TNFRSF11A: variants seen among roughly 807,000 people sequenced by gnomAD.
TNFRSF11A encodes TNF receptor superfamily member 11a, also known as tumor necrosis factor receptor superfamily member 11A.
A neutral mutation model predicts 55.7 loss-of-function variants in TNFRSF11A; 32 were observed. The observed-to-expected ratio is 0.57, with a 90% CI of 0.43 to 0.77. The LOEUF is 0.77. TNFRSF11A is among the 30% of genes least tolerant of loss of function. The pLI, the probability that TNFRSF11A is intolerant of heterozygous loss-of-function variation, is 0.00. For missense variants in TNFRSF11A, 753 were observed against 809.8 expected, an observed-to-expected ratio of 0.93 and a Z score of 0.85; for synonymous variants, 311 against 331.0, an observed-to-expected ratio of 0.94 and a Z score of 0.65.
Position 62,387,298 on chromosome 18 carries a change from G to T in TNFRSF11A, c.*2264G>T, listed in dbSNP as rs185721979. The T allele has an allele frequency of 7.2e-5, 11 of 152,032 alleles. No homozygotes were observed. The highest frequency in any genetic ancestry group is 3.3e-4 in the Admixed American group (5 of 15,288). The allele number at this position is 152,032 out of a possible 1,614,324, so 9.4% of individuals were successfully genotyped here. On this transcript the variant is annotated 3_prime_UTR_variant, in exon 10 of 10. Transcript: ENST00000586569. Reference sequence around the variant, plus strand: ...AAAAATGTATAGAAAATATAAGTCTGTGTCTGTGTACTGTAGAGATGTATG... The same window carrying T: ...AAAAATGTATAGAAAATATAAGTCTTTGTCTGTGTACTGTAGAGATGTATG...
chr18:62,346,873 T>TTG (rs1600372053), intron 1 of TNFRSF11A, among the ~76,000 whole-genome samples: 2 of 152,202 alleles, frequency 1.3e-5, no homozygotes, highest in African/African-American at 4.8e-5. Context: ...CTGACTGCCT[T>TTG]TGTGACACTG....
intron 1 of TNFRSF11A, among the ~76,000 whole-genome samples, chr18:62,347,171 AG>A (rs1221916117): frequency 6.6e-6 from 1 of 152,108 alleles, no homozygotes; most frequent in East Asian, 1.9e-4. Flanking sequence ...CTTGAGGGGA[AG>A]GTTTGTGACT....
chr18:62,335,431 G>T, intron 1 of TNFRSF11A, among the ~76,000 whole-genome samples: 1 of 152,086 alleles, frequency 6.6e-6, no homozygotes, highest in East Asian at 1.9e-4. Flanking sequence ...ATGTAAAATT[G>T]CAAAAGACCA....
intron 9 of TNFRSF11A, among the ~76,000 whole-genome samples, chr18:62,376,661 C>G (rs1219235415): frequency 6.6e-6 from 1 of 152,104 alleles, no homozygotes; most frequent in Non-Finnish European, 1.5e-5. Context: ...ACCAATGTAT[C>G]CTGGCATGCA....
chr18:62,352,776 C>T (rs1029005687), intron 3 of TNFRSF11A, among the ~76,000 whole-genome samples: 4 of 152,042 alleles, frequency 2.6e-5, no homozygotes, highest in Non-Finnish European at 4.4e-5. Context: ...GAAGAGTGGG[C>T]ACTGCAGGAA....
intron 4 of TNFRSF11A, among the ~76,000 whole-genome samples, chr18:62,354,958 AC>A (rs1474144791): frequency 6.6e-6 from 1 of 152,222 alleles, no homozygotes; most frequent in Non-Finnish European, 1.5e-5. Context: ...AAGTTTTGTT[AC>A]AAGTTTGAAG....
At position 62,325,390 on chromosome 18, in the gene TNFRSF11A, C is replaced by CGCT. The variant is rs1232105040; in HGVS notation, c.48_50dup (p.Leu17dup). On this transcript the variant is annotated inframe_insertion, in exon 1 of 10. Transcript: ENST00000586569. This position sits in a 1 kb window ranked among gnomAD's most constrained non-coding sequence, Gnocchi z 4.7. Reference sequence around the variant, plus strand: ...GCCCGGCGGCGCCGCCCGCTGTTCGCGCTGCTGCTGCTCTGCGCGCTGCTC... The same window carrying CGCT: ...GCCCGGCGGCGCCGCCCGCTGTTCGCGCTGCTGCTGCTGCTCTGCGCGCTGCTC... 2 of 1,129,274 alleles carry CGCT rather than the reference C, an allele frequency of 1.8e-6. No individual in the cohort carries two copies. The highest frequency in any genetic ancestry group is 1.7e-5 in the African/African-American group (1 of 59,820). 70.0% of individuals were successfully genotyped at this position (1,129,274 alleles called of 1,614,324 possible). A position where few individuals can be genotyped will look rare whatever the true frequency, so the allele number is the denominator to read the frequency against.
At chr18:62,344,087 C>A in intron 1 of TNFRSF11A, among the ~76,000 whole-genome samples, 1 of 152,192 alleles carries the variant, frequency 6.6e-6, no homozygotes, top group East Asian at 1.9e-4. Context: ...GATTAGATCA[C>A]AAGTTCATTC....
At chr18:62,339,235 T>C (rs546870255) in intron 1 of TNFRSF11A, among the ~76,000 whole-genome samples, 1 of 152,218 alleles carries the variant, frequency 6.6e-6, no homozygotes, top group African/African-American at 2.4e-5. Flanking sequence ...TGTCAGAACA[T>C]ACCTGCCCAG....
intron 1 of TNFRSF11A, among the ~76,000 whole-genome samples, chr18:62,345,892 C>T (rs1206757672): frequency 6.6e-6 from 1 of 152,082 alleles, no homozygotes; most frequent in African/African-American, 2.4e-5. Flanking sequence ...CTTGTTTCTT[C>T]GAAGAGGTGT....
intron 1 of TNFRSF11A, among the ~76,000 whole-genome samples, chr18:62,346,343 C>A (rs1047272022): frequency 1.3e-5 from 2 of 152,220 alleles, no homozygotes; most frequent in African/African-American, 4.8e-5. Flanking sequence ...TTGCCTCTTT[C>A]TTCTGTGCAT....
At chr18:62,359,871 C>A in intron 5 of TNFRSF11A, 84 bp from the exon 6 acceptor site, 1 of 1,251,610 alleles carries the variant, frequency 8.0e-7, no homozygotes, top group Non-Finnish European at 1.2e-6. Flanking sequence ...AAGGAGCTGG[C>A]AATCTGGGAG....
At chr18:62,376,741 C>G (rs1385006316) in intron 9 of TNFRSF11A, among the ~76,000 whole-genome samples, 1 of 152,196 alleles carries the variant, frequency 6.6e-6, no homozygotes, top group African/African-American at 2.4e-5. Context: ...CTCACCCCTT[C>G]CTCTCTCTGA....
At chr18:62,363,766 T>C (rs1909875370) in intron 7 of TNFRSF11A, among the ~76,000 whole-genome samples, 1 of 152,234 alleles carries the variant, frequency 6.6e-6, no homozygotes, top group Non-Finnish European at 1.5e-5. Context: ...ATTTGGATAA[T>C]GCATGTTCAG....
chr18:62,369,284 A>T lies in TNFRSF11A; in HGVS notation c.1367A>T (p.Asp456Val), dbSNP rs1471749012. ...CTGCRNPPGE[D>V]CEPLVGSPKR... Reference sequence around the variant, plus strand: ...GGCTGCCGGAACCCTCCTGGGGAGGACTGTGAACCCCTCGTGGGTTCCCCA... The same window carrying T: ...GGCTGCCGGAACCCTCCTGGGGAGGTCTGTGAACCCCTCGTGGGTTCCCCA... Residue 456 changes from aspartate to valine, a missense_variant, in exon 9 of 10, where the codon GAC (aspartate) becomes GTC (valine). By Grantham distance (152) the Asp-to-Val change is radical. This residue lies in a region of TNFRSF11A where 567 missense variants were observed against 596.7 expected (regional missense o/e 0.95). Transcript: ENST00000586569. 6.2e-7 allele frequency: 1 copy of T among 1,612,632 alleles called. No individual in the cohort carries two copies. Among genetic ancestry groups the T allele is most frequent in the Non-Finnish European group, 8.5e-7 (1 of 1,179,628 alleles).
At chr18:62,365,204 C>T (rs765654016) in intron 7 of TNFRSF11A, among the ~76,000 whole-genome samples, 7 of 152,288 alleles carry the variant, frequency 4.6e-5, no homozygotes, top group East Asian at 1.9e-4. Context: ...TGAAGCGGTC[C>T]GCCCACCTCA....
chr18:62,362,156 T>C (rs966471830), intron 7 of TNFRSF11A, among the ~76,000 whole-genome samples: 7 of 152,116 alleles, frequency 4.6e-5, no homozygotes, highest in Admixed American at 4.6e-4. Flanking sequence ...AATATTTAGA[T>C]GACCGGTAGG....
At chr18:62,338,707 A>G (rs538893037) in intron 1 of TNFRSF11A, among the ~76,000 whole-genome samples, 44 of 152,284 alleles carry the variant, frequency 2.9e-4, no homozygotes, top group African/African-American at 9.4e-4. Context: ...CAGAGATTCT[A>G]TTTGGGGTGA....
At chr18:62,363,795 A>G (rs952619632) in intron 7 of TNFRSF11A, among the ~76,000 whole-genome samples, 3 of 152,232 alleles carry the variant, frequency 2.0e-5, no homozygotes, top group African/African-American at 7.2e-5. Context: ...GGTCGCTTGT[A>G]GGCACGTTTA....
Sources: allele counts gnomAD v4.1 joint callset (sites outside exome capture counted in the v4.1 genomes callset), GRCh38; gene constraint gnomAD v4.1.1; regional missense constraint gnomAD v4.1.1; non-coding constraint Gnocchi (gnomAD v3.1); transcripts MANE v1.5; gene names NCBI Gene and HGNC (gene_info 2026-07-23, HGNC 2026-07-21).